The following IFT46 variants were observed in gnomAD, a reference collection of about 807,000 sequenced individuals.
The protein encoded by IFT46 is intraflagellar transport 46.
Under a neutral mutation model 39.6 loss-of-function variants are expected in IFT46, and 19 were observed. The observed-to-expected ratio is 0.48, with a 90% confidence interval of 0.33 to 0.70. IFT46 has a LOEUF of 0.70. IFT46 is among the 30% of genes least tolerant of loss of function. The pLI is 0.01. For synonymous variants in IFT46, 117 were observed against 134.8 expected (o/e 0.87, Z 0.91); for missense variants, 334 against 364.8 (o/e 0.92, Z 0.69).
At position 118,559,820 on chromosome 11, in the gene IFT46, T is replaced by A; in HGVS notation, c.10A>T (p.Asn4Tyr). ...TCCTCTTCACACTCATCACTGCTGTTATCAGCCATAGCCTTGTTAGGAAGA... is the reference window on the plus strand; with the variant it reads ...TCCTCTTCACACTCATCACTGCTGTAATCAGCCATAGCCTTGTTAGGAAGA... The part of the protein sequence containing the change: MAD[N>Y]SSDECEEENN... Residue 4 changes from asparagine (N) to tyrosine (Y), a missense_variant, in exon 3 of 12, where the codon AAC becomes TAC. Coordinates refer to ENST00000264021, the MANE Select transcript of IFT46 (RefSeq NM_001168618.2). The A allele has an allele frequency of 6.2e-7, 1 of 1,613,544 alleles. No individual in the cohort carries two copies. The highest frequency in any genetic ancestry group is 8.5e-7 in the Non-Finnish European group (1 of 1,179,448).
At chr11:118,567,861 TA>T (rs1304799671), upstream of IFT46, among the ~76,000 whole-genome samples, 3 of 152,206 alleles carry the variant, frequency 2.0e-5, no homozygotes, top group Non-Finnish European at 4.4e-5. Flanking sequence ...CCTTATGAGA[TA>T]GATGTTACTG....
intron 2 of IFT46, among the ~76,000 whole-genome samples, chr11:118,564,289 T>G (rs556969476): frequency 6.6e-6 from 1 of 152,050 alleles, no homozygotes; most frequent in African/African-American, 2.4e-5. Flanking sequence ...CTTACCACAT[T>G]TGGCATGTGT....
intron 1 of IFT46, among the ~76,000 whole-genome samples, chr11:118,565,279 G>T (rs1427195488): frequency 6.6e-6 from 1 of 152,048 alleles, no homozygotes; most frequent in Non-Finnish European, 1.5e-5. Context: ...CTGCTGGCAG[G>T]CTGGCTGAGG....
chr11:118,545,778 G>C lies in IFT46; in HGVS notation c.733+15C>G. 8.1e-6 allele frequency: 13 copies of C among 1,613,216 alleles called. No individual in the cohort carries two copies. Among genetic ancestry groups the C allele is most frequent in the Non-Finnish European group, 1.0e-5 (12 of 1,179,152 alleles). ...TATCCAGAGATGGGGACGAGGAAAG[G>C]AAAGAGGAACTCACCACAGATCATG... On this transcript the variant is annotated intron_variant, in intron 10 of 11. Transcript: ENST00000264021.
At chr11:118,559,692 G>A (rs1555070207) in intron 3 of IFT46, 93 bp downstream of exon 3, 6 of 980,240 alleles carry the variant, frequency 6.1e-6, no homozygotes, top group Non-Finnish European at 9.8e-6. Context: ...GGAGGTGAGT[G>A]TTCAAGAAAT....
At chr11:118,564,561 A>C (rs547865887) in intron 2 of IFT46, among the ~76,000 whole-genome samples, 1 of 152,310 alleles carries the variant, frequency 6.6e-6, no homozygotes, top group Non-Finnish European at 1.5e-5. Context: ...ATTAAGAAAA[A>C]AAAGTTTGTT....
intron 9 of IFT46, among the ~76,000 whole-genome samples, chr11:118,549,365 A>G (rs1951767050): frequency 6.6e-6 from 1 of 151,572 alleles, no homozygotes; most frequent in Non-Finnish European, 1.5e-5. Flanking sequence ...TTATTGATAT[A>G]TAAGAGCTCT....
chr11:118,564,589 TCA>T (rs1198801549), intron 2 of IFT46, among the ~76,000 whole-genome samples: 64 of 152,268 alleles, frequency 4.2e-4, no homozygotes, highest in African/African-American at 1.5e-3. Flanking sequence ...TAAATAGTGT[TCA>T]GTCCTTTAAA....
intron 11 of IFT46, 106 bp from the exon 12 acceptor site, chr11:118,545,117 C>T (rs1205626394): frequency 4.5e-6 from 4 of 889,386 alleles, no homozygotes; most frequent in East Asian, 2.6e-5. Flanking sequence ...TTCCTTCCTG[C>T]TTCCATTCAT....
At chr11:118,557,248 C>T in intron 3 of IFT46, 1 of 468,896 alleles carries the variant, frequency 2.1e-6, no homozygotes, top group Non-Finnish European at 3.7e-6. Context: ...TTCTAGAACC[C>T]TATTCCATTT....
intron 3 of IFT46, chr11:118,557,712 C>A: frequency 6.2e-7 from 1 of 1,613,206 alleles, no homozygotes; most frequent in South Asian, 1.1e-5. Flanking sequence ...ATAAACAGCT[C>A]TTTTGTTCTT....
chr11:118,545,860 G>A lies in IFT46; in HGVS notation c.673-7C>T. 6.2e-7 allele frequency: 1 copy of A among 1,614,076 alleles called. No homozygotes were observed. Among genetic ancestry groups the A allele is most frequent in the African/African-American group, 1.3e-5 (1 of 75,050 alleles). On this transcript the variant is annotated splice_region_variant and splice_polypyrimidine_tract_variant and intron_variant, in intron 9 of 11. Coordinates refer to ENST00000264021, the MANE Select transcript of IFT46 (RefSeq NM_001168618.2). The stretch of plus-strand genomic sequence containing the variant: ...CTGCCGTGGGCAGGCTTACCTGGAA[G>A]GGGCATGGAAGGACCAAAGTCAAAA...
At chr11:118,568,458 A>G (rs1938273455), upstream of IFT46, among the ~76,000 whole-genome samples, 1 of 152,116 alleles carries the variant, frequency 6.6e-6, no homozygotes, top group African/African-American at 2.4e-5. Context: ...AGGCTGAGAC[A>G]GGAGAATCGC....
At chr11:118,558,412 T>C (rs1400609196) in intron 3 of IFT46, among the ~76,000 whole-genome samples, 1 of 151,954 alleles carries the variant, frequency 6.6e-6, no homozygotes, top group African/African-American at 2.4e-5. Context: ...CTGACCAACA[T>C]GGTGAAACCC....
At chr11:118,554,369 CA>C in intron 7 of IFT46, 89 bp downstream of exon 7, 2 of 1,327,198 alleles carry the variant, frequency 1.5e-6, no homozygotes, top group Non-Finnish European at 2.0e-6. Context: ...TCTCTTTTGA[CA>C]GGCAGTAAGT....
chr11:118,546,122 G>A, intron 9 of IFT46: 1 of 718,540 alleles, frequency 1.4e-6, no homozygotes, highest in Non-Finnish European at 2.6e-6. Context: ...CTTATAGGAA[G>A]AAGAAATCAG....
At chr11:118,576,451 C>CAAAAAAAAAAAAA (rs1938514738), upstream of IFT46, among the ~76,000 whole-genome samples, 1 of 80,030 alleles carries the variant, frequency 1.2e-5, no homozygotes. Context: ...AAAAAAAAAC[C>CAAAAAAAAAAAAA]AAAAACTTTG....
At chr11:118,560,901 G>C in intron 2 of IFT46, 1 of 835,924 alleles carries the variant, frequency 1.2e-6, no homozygotes, top group South Asian at 1.3e-5. Context: ...CGTATAGAGG[G>C]GGATATAGTC....
chr11:118,567,575 C>G (rs900216015), upstream of IFT46, among the ~76,000 whole-genome samples: 14 of 152,172 alleles, frequency 9.2e-5, no homozygotes, highest in South Asian at 2.9e-3. Context: ...GACTCCGTCT[C>G]AAAATAATAA....
Sources: gnomAD v4.1 joint callset for allele counts (sites outside exome capture counted in the v4.1 genomes callset) on GRCh38, gnomAD v4.1.1 for gene constraint, MANE v1.5 for transcripts, NCBI Gene and HGNC (gene_info 2026-07-23, HGNC 2026-07-21) for gene names.